Variants in TMEM178B observed in about 807,000 individuals in gnomAD.
The protein encoded by TMEM178B is transmembrane protein 178B.
TMEM178B carries 5 observed loss-of-function variants against 31.0 expected under a neutral mutation model. The ratio of observed to expected loss-of-function variants is 0.16; its 90% CI spans 0.08 to 0.34. The LOEUF is 0.34. Among genes scored for constraint, TMEM178B ranks in the 10% least tolerant of loss-of-function variants. The probability of loss-of-function intolerance (pLI) is 1.00; values close to 1 mark genes in which losing one functional copy is unlikely to be tolerated. For synonymous variants in TMEM178B, 164 were observed against 164.0 expected (o/e 1.00, Z 0.00); for missense variants, 275 against 400.3 (o/e 0.69, Z 2.67).
At chr7:141,278,329 C>T (rs1798299765) in intron 2 of TMEM178B, among the ~76,000 whole-genome samples, 1 of 152,162 alleles carries the variant, frequency 6.6e-6, no homozygotes. Flanking sequence ...CACCTGTAGT[C>T]CCAACACTTT....
intron 2 of TMEM178B, among the ~76,000 whole-genome samples, chr7:141,421,692 G>A (rs563999878): frequency 6.6e-6 from 1 of 152,254 alleles, no homozygotes; most frequent in African/African-American, 2.4e-5. Flanking sequence ...CTTAGAACAT[G>A]CCTAGCACAT....
intron 2 of TMEM178B, among the ~76,000 whole-genome samples, chr7:141,433,828 T>C (rs559769475): frequency 1.3e-5 from 2 of 152,292 alleles, no homozygotes; most frequent in South Asian, 4.1e-4. Flanking sequence ...TAACCAGCTG[T>C]TCATGCACGG....
At chr7:141,410,226 G>T (rs544223069) in intron 2 of TMEM178B, among the ~76,000 whole-genome samples, 1 of 152,156 alleles carries the variant, frequency 6.6e-6, no homozygotes, top group African/African-American at 2.4e-5. Flanking sequence ...CTGGGTCTGC[G>T]TAATGAGCCT....
chr7:141,216,221 A>G (rs2109864), intron 2 of TMEM178B, among the ~76,000 whole-genome samples: 97,374 of 151,788 alleles, frequency 0.64, 33,004 homozygotes, highest in Middle Eastern at 0.79. Context: ...AAAAGGCACA[A>G]TTTGGTTTAA....
chr7:141,119,539 G>T (rs1045948868), intron 1 of TMEM178B, among the ~76,000 whole-genome samples: 1 of 152,206 alleles, frequency 6.6e-6, no homozygotes, highest in Non-Finnish European at 1.5e-5. Context: ...GACGGTTCAA[G>T]CCTGTGTTCT....
intron 2 of TMEM178B, among the ~76,000 whole-genome samples, chr7:141,234,626 G>A (rs949489356): frequency 2.0e-5 from 3 of 152,168 alleles, no homozygotes; most frequent in African/African-American, 7.2e-5. Context: ...GCAGAACCTG[G>A]TCCGAGAATT....
chr7:141,220,806 A>G (rs2129189449), intron 2 of TMEM178B, among the ~76,000 whole-genome samples: 1 of 152,198 alleles, frequency 6.6e-6, no homozygotes, highest in East Asian at 1.9e-4. Flanking sequence ...TGGGAGAACA[A>G]CCCCACTGTC....
chr7:141,427,705 T>C lies in TMEM178B; in HGVS notation c.497-9903T>C, dbSNP rs545359046. ...GGCAACAAAAACAAAAATCAACGAA[T>C]GGGATCAAACTAAAAAGCTTCTGTA... On this transcript the variant is annotated intron_variant, in intron 2 of 3. Transcript: ENST00000565468. Among the ~76,000 whole-genome samples, 6 of 152,078 alleles carry C rather than the reference T, an allele frequency of 3.9e-5. No homozygotes were observed. In the South Asian group the frequency reaches 1.2e-3, roughly 32 times the overall value.
At chr7:141,124,626 A>G (rs921326448) in intron 1 of TMEM178B, among the ~76,000 whole-genome samples, 5 of 152,284 alleles carry the variant, frequency 3.3e-5, no homozygotes, top group Admixed American at 3.3e-4. Flanking sequence ...AGTTGGTCAC[A>G]TTTTATTTAT....
Position 141,437,760 on chromosome 7 carries a change from T to C in TMEM178B, c.634+15T>C. The C allele has an allele frequency of 6.5e-7, 1 of 1,536,046 alleles. No homozygotes were observed. Among genetic ancestry groups the C allele is most frequent in the Non-Finnish European group, 8.7e-7 (1 of 1,146,852 alleles). On this transcript the variant is annotated intron_variant, in intron 3 of 3. Coordinates refer to ENST00000565468, the MANE Select transcript of TMEM178B (RefSeq NM_001195278.2). Reference sequence around the variant, plus strand: ...CCTCATGGGAGGTAAGGCTACGGGCTCGGCTTGTGGGTGGCAGTGGACAGG... The same window carrying C: ...CCTCATGGGAGGTAAGGCTACGGGCCCGGCTTGTGGGTGGCAGTGGACAGG...
intron 1 of TMEM178B, among the ~76,000 whole-genome samples, chr7:141,194,345 A>G (rs946163012): frequency 2.6e-5 from 4 of 152,226 alleles, no homozygotes. Context: ...CCTAGATACA[A>G]TGGGATACAA....
Position 141,330,084 on chromosome 7 carries a change from C to CT in TMEM178B, c.497-107514dup, listed in dbSNP as rs58460032. 1.3e-3 allele frequency among the ~76,000 whole-genome samples: 187 copies of CT among 147,070 alleles called. 2 individuals carry two copies. The highest frequency in any genetic ancestry group is 7.2e-3 in the South Asian group (33 of 4,596). ...AGGGCAGTAGGATCCTATTGAAGGGCTTTTTTTTTTGGTTGAAAGTTTATT... is the reference window on the plus strand; with the variant it reads ...AGGGCAGTAGGATCCTATTGAAGGGCTTTTTTTTTTTGGTTGAAAGTTTATT... On this transcript the variant is annotated intron_variant, in intron 2 of 3. Transcript: ENST00000565468.
chr7:141,211,830 C>T (rs1370528260), intron 1 of TMEM178B, among the ~76,000 whole-genome samples: 2 of 152,186 alleles, frequency 1.3e-5, no homozygotes, highest in African/African-American at 2.4e-5. Flanking sequence ...GATTGCCAGG[C>T]TCTACTTCCT....
At chr7:141,183,014 A>G (rs140874933) in intron 1 of TMEM178B, among the ~76,000 whole-genome samples, 2 of 152,240 alleles carry the variant, frequency 1.3e-5, no homozygotes, top group Admixed American at 1.3e-4. Context: ...TGAAGTAAGT[A>G]TGTCAAAGTC....
chr7:141,167,516 GC>G (rs1290534950), intron 1 of TMEM178B, among the ~76,000 whole-genome samples: 2 of 152,246 alleles, frequency 1.3e-5, no homozygotes, highest in Non-Finnish European at 2.9e-5. Flanking sequence ...GTGGATTTGT[GC>G]CTTTAATCAC....
At chr7:141,336,949 CACCACCACCATCACT>C (rs1799410553) in intron 2 of TMEM178B, among the ~76,000 whole-genome samples, 1 of 123,000 alleles carries the variant, frequency 8.1e-6, no homozygotes, top group African/African-American at 3.4e-5. Flanking sequence ...CCACCATCAC[CACCACCACCATCACT>C]ACCACCACCA....
intron 3 of TMEM178B, among the ~76,000 whole-genome samples, chr7:141,442,249 A>G (rs985434386): frequency 5.3e-5 from 8 of 152,124 alleles, no homozygotes; most frequent in Non-Finnish European, 1.0e-4. Flanking sequence ...ACTCCCTGGA[A>G]GACATCCATC....
intron 1 of TMEM178B, among the ~76,000 whole-genome samples, chr7:141,182,653 C>T (rs775798871): frequency 2.6e-5 from 4 of 152,030 alleles, no homozygotes; most frequent in Non-Finnish European, 5.9e-5. Context: ...CCAAATCTCA[C>T]CTTGAACTGT....
At chr7:141,290,460 C>T (rs1044345636) in intron 2 of TMEM178B, among the ~76,000 whole-genome samples, 1 of 152,198 alleles carries the variant, frequency 6.6e-6, no homozygotes, top group Admixed American at 6.5e-5. Context: ...GGCCTCCCTG[C>T]GAACATTTAC....
Sources: gnomAD v4.1 joint callset for allele counts (sites outside exome capture counted in the v4.1 genomes callset) on GRCh38, gnomAD v4.1.1 for gene constraint, MANE v1.5 for transcripts, NCBI Gene and HGNC (gene_info 2026-07-23, HGNC 2026-07-21) for gene names.